The following PCDHA6 variants were observed in gnomAD, a reference collection of about 807,000 sequenced individuals.
PCDHA6 encodes protocadherin alpha 6.
In PCDHA6, 55 loss-of-function variants were observed where a neutral mutation model predicts 60.3. The ratio of observed to expected loss-of-function variants is 0.91; its 90% confidence interval spans 0.73 to 1.14. The LOEUF is 1.14. PCDHA6 is among the 50% of genes most tolerant of loss of function. The probability of loss-of-function intolerance (pLI) is 0.00; values close to 1 mark genes in which losing one functional copy is unlikely to be tolerated. For missense variants in PCDHA6, 1,327 were observed against 1,256.5 expected, an observed-to-expected ratio of 1.06 and a Z score of -0.85; for synonymous variants, 652 against 557.9, an observed-to-expected ratio of 1.17 and a Z score of -2.38.
chr5:140,876,094 C>T lies in PCDHA6; in HGVS notation c.2394+45609C>T, dbSNP rs782479233. 13 of 1,613,808 alleles carry T rather than the reference C, an allele frequency of 8.1e-6. No homozygotes were observed. In the Admixed American group the frequency reaches 1.5e-4, roughly 19 times the overall value. On this transcript the variant is annotated intron_variant, in intron 1 of 3. Transcript: ENST00000529310. ...ATTGGACAGAGAGCAAACGCCAAAA[C>T]TCAATTTATTGCTGATGGTAATCGA...
chr5:140,908,604 C>T (rs1011069667), intron 1 of PCDHA6, among the ~76,000 whole-genome samples: 10 of 152,114 alleles, frequency 6.6e-5, no homozygotes, highest in African/African-American at 2.2e-4. Flanking sequence ...GATGGAAGGG[C>T]CTTGCTCCAA....
rs1243555382 is a variant in PCDHA6, at chr5:140,830,031, T to G, written c.1940T>G (p.Leu647Arg). 6.2e-7 allele frequency: 1 copy of G among 1,613,728 alleles called. No homozygotes were observed. Among genetic ancestry groups the G allele is most frequent in the Non-Finnish European group, 8.5e-7 (1 of 1,179,908 alleles). The change falls in exon 1 of 4, where the codon CTG becomes CGG. Residue 647 changes from leucine to arginine, a missense_variant. Transcript: ENST00000529310. ...LDEADSPRHR[L>R]LVLVKDHGEP... ...GAAGCGGACTCTCCGCGCCACCGGC[T>G]GCTGGTGCTGGTGAAAGACCACGGT...
At chr5:140,959,800 G>A (rs193288186) in intron 1 of PCDHA6, among the ~76,000 whole-genome samples, 1 of 152,080 alleles carries the variant, frequency 6.6e-6, no homozygotes, top group Admixed American at 6.5e-5. Context: ...CTAATTTAGA[G>A]GATTTATATT....
At chr5:140,927,195 C>T in intron 1 of PCDHA6, 1 of 1,614,118 alleles carries the variant, frequency 6.2e-7, no homozygotes, top group Non-Finnish European at 8.5e-7. Flanking sequence ...ACCTGGTGCT[C>T]GAGGACCCGC....
Position 140,987,904 on chromosome 5 carries a change from G to T in PCDHA6, c.2542+5341G>T, listed in dbSNP as rs115515462. 1.9e-3 allele frequency among the ~76,000 whole-genome samples: 290 copies of T among 151,852 alleles called. 1 individual carries two copies. The highest frequency in any genetic ancestry group is 7.0e-3 in the African/African-American group (288 of 41,412). On this transcript the variant is annotated intron_variant, in intron 3 of 3. Transcript: ENST00000529310. ...GTTTATGTGCCCTAGTTTTATATGG[G>T]GATTTATATTCTTAATTGTCTCAAG...
chr5:141,010,118 T>C lies in PCDHA6; in HGVS notation c.*181T>C. 6.2e-7 allele frequency: 1 copy of C among 1,608,728 alleles called. No homozygotes were observed. The highest frequency in any genetic ancestry group is 8.5e-7 in the Non-Finnish European group (1 of 1,177,116). ...TTAACAGGTTTTGTCGTAAAAGCTT[T>C]ACTAAGTCTGGTGTTAACTCTTTCT... On this transcript the variant is annotated 3_prime_UTR_variant, in exon 4 of 4. Transcript: ENST00000529310.
intron 1 of PCDHA6, among the ~76,000 whole-genome samples, chr5:140,872,820 T>C (rs1233972983): frequency 6.6e-6 from 1 of 152,216 alleles, no homozygotes; most frequent in African/African-American, 2.4e-5. Flanking sequence ...TTCAGATTCA[T>C]CTAGCAGAGA....
intron 1 of PCDHA6, among the ~76,000 whole-genome samples, chr5:140,941,304 C>T (rs1477431460): frequency 4.7e-5 from 4 of 84,830 alleles, no homozygotes; most frequent in African/African-American, 8.5e-5. Flanking sequence ...TTCTTTCTTT[C>T]TTTTTCTTCT....
At chr5:140,905,627 G>A (rs1233983487) in intron 1 of PCDHA6, among the ~76,000 whole-genome samples, 1 of 152,150 alleles carries the variant, frequency 6.6e-6, no homozygotes, top group African/African-American at 2.4e-5. Context: ...GCTTTTGACA[G>A]TATGGTCAGT....
intron 1 of PCDHA6, chr5:140,841,828 C>A: frequency 6.2e-7 from 1 of 1,613,892 alleles, no homozygotes; most frequent in Middle Eastern, 1.6e-4. Context: ...CCGTGTTAAC[C>A]TACAGGCTTA....
intron 1 of PCDHA6, among the ~76,000 whole-genome samples, chr5:140,950,864 A>G (rs1014752748): frequency 1.3e-5 from 2 of 151,930 alleles, no homozygotes; most frequent in Non-Finnish European, 2.9e-5. Context: ...ATTCTTGTAT[A>G]TTCTATATTG....
intron 1 of PCDHA6, chr5:140,877,410 C>G (rs1339534741): frequency 7.4e-6 from 12 of 1,613,922 alleles, no homozygotes; most frequent in Non-Finnish European, 9.3e-6. Context: ...CGCGCCACCG[C>G]CTGCTGGTGC....
rs782035990 is a variant in PCDHA6 at position 140,871,124 on chromosome 5, C to A, written c.2394+40639C>A. 142 of 1,613,206 alleles carry A rather than the reference C, an allele frequency of 8.8e-5. No individual in the cohort carries two copies. The highest frequency in any genetic ancestry group is 1.2e-4 in the Non-Finnish European group (138 of 1,179,888). Reference sequence around the variant, plus strand: ...GTGTCGTTGGTGGAGAGCGGACAGGCGCCAAAGGCCTCTTCCCGGACTTTG... The same window carrying A: ...GTGTCGTTGGTGGAGAGCGGACAGGAGCCAAAGGCCTCTTCCCGGACTTTG... On this transcript the variant is annotated intron_variant, in intron 1 of 3. Coordinates refer to ENST00000529310, the MANE Select transcript of PCDHA6 (RefSeq NM_018909.4).
intron 1 of PCDHA6, chr5:140,877,011 G>T: frequency 2.5e-6 from 4 of 1,612,512 alleles, no homozygotes. Flanking sequence ...TGCACGCGGA[G>T]AGCGGCAAGG....
intron 1 of PCDHA6, chr5:140,861,826 A>T (rs1350185354): frequency 1.9e-5 from 3 of 159,376 alleles, no homozygotes; most frequent in African/African-American, 7.2e-5. Flanking sequence ...CAGATAGGTA[A>T]GTCACTTCAG....
rs782180931 is a variant in PCDHA6, at chr5:140,857,881, G to A, written c.2394+27396G>A. 6 of 1,597,644 alleles carry A rather than the reference G, an allele frequency of 3.8e-6. 1 individual carries two copies. In the African/African-American group the frequency reaches 8.1e-5, roughly 22 times the overall value. On this transcript the variant is annotated intron_variant, in intron 1 of 3. Coordinates refer to ENST00000529310, the MANE Select transcript of PCDHA6 (RefSeq NM_018909.4). ...ACGCGTGGCTGTCGTATGAATTGCAGTCGGCGGCGGTTGGTGCACGCATCC... is the reference window on the plus strand; with the variant it reads ...ACGCGTGGCTGTCGTATGAATTGCAATCGGCGGCGGTTGGTGCACGCATCC...
Position 140,972,800 on chromosome 5 carries a change from A to G in PCDHA6, c.2395-6149A>G, listed in dbSNP as rs937312575. ...TGCCTCAGCCTCCTGAGTAGCTGAGATTACAGGCACGCGCCACCACGCCTG... is the reference window on the plus strand; with the variant it reads ...TGCCTCAGCCTCCTGAGTAGCTGAGGTTACAGGCACGCGCCACCACGCCTG... On this transcript the variant is annotated intron_variant, in intron 1 of 3. Transcript: ENST00000529310. Among the ~76,000 whole-genome samples, 8 of 151,520 alleles carry G rather than the reference A, an allele frequency of 5.3e-5. No individual in the cohort carries two copies. In the South Asian group the frequency reaches 6.3e-4, roughly 12 times the overall value.
chr5:140,922,560 G>A (rs2080886484), intron 1 of PCDHA6, among the ~76,000 whole-genome samples: 4 of 152,146 alleles, frequency 2.6e-5, no homozygotes, highest in Admixed American at 2.6e-4. Flanking sequence ...GAAAAGTCAG[G>A]ATGACAAGTT....
chr5:140,842,695 C>T, intron 1 of PCDHA6: 1 of 1,595,194 alleles, frequency 6.3e-7, no homozygotes, highest in Non-Finnish European at 8.6e-7. Context: ...TCGCGCAGCC[C>T]GAGTACACGG....
Sources: gnomAD v4.1 joint callset for allele counts (sites outside exome capture counted in the v4.1 genomes callset) on GRCh38, gnomAD v4.1.1 for gene constraint, MANE v1.5 for transcripts, NCBI Gene and HGNC (gene_info 2026-07-23, HGNC 2026-07-21) for gene names.